Variants in ERBB4 observed in about 807,000 individuals in gnomAD.
The protein encoded by ERBB4 is receptor tyrosine-protein kinase erbB-4.
Under a neutral mutation model 158.0 loss-of-function variants are expected in ERBB4, and 42 were observed. The ratio of observed to expected loss-of-function variants is 0.27; its 90% CI spans 0.21 to 0.34. The LOEUF (loss-of-function observed/expected upper bound fraction) is 0.34. Among genes scored for constraint, ERBB4 ranks in the 10% least tolerant of loss-of-function variants. The pLI is 1.00. For synonymous variants in ERBB4, 583 were observed against 558.7 expected (o/e 1.04, Z -0.61); for missense variants, 1,333 against 1,624.1 (o/e 0.82, Z 3.08).
intron 1 of ERBB4, among the ~76,000 whole-genome samples, chr2:212,280,166 C>A (rs904746044): frequency 6.6e-6 from 1 of 151,508 alleles, no homozygotes; most frequent in Non-Finnish European, 1.5e-5. Context: ...AAAGGTTGTA[C>A]CTCATTACCT....
At chr2:211,860,496 T>C (rs532260064) in intron 3 of ERBB4, among the ~76,000 whole-genome samples, 38 of 152,262 alleles carry the variant, frequency 2.5e-4, no homozygotes, top group African/African-American at 8.7e-4. Flanking sequence ...ACCTCAATTA[T>C]CATTGTCCCT....
intron 1 of ERBB4, among the ~76,000 whole-genome samples, chr2:212,135,227 A>G (rs2080235312): frequency 6.6e-6 from 1 of 152,174 alleles, no homozygotes; most frequent in Admixed American, 6.5e-5. Flanking sequence ...TCTTAAGTGC[A>G]GCTACTATAT....
chr2:212,168,071 A>AG (rs1488005250), intron 1 of ERBB4, among the ~76,000 whole-genome samples: 1 of 46,556 alleles, frequency 2.1e-5, no homozygotes, highest in Non-Finnish European at 1.1e-4. Context: ...TTAAAATTAA[A>AG]AAAAAAAAAA....
chr2:212,242,628 G>T (rs1334056793), intron 1 of ERBB4, among the ~76,000 whole-genome samples: 2 of 151,988 alleles, frequency 1.3e-5, no homozygotes, highest in East Asian at 3.9e-4. Flanking sequence ...AAATAACACA[G>T]AGATAATCCT....
chr2:211,422,256 A>T, intron 23 of ERBB4, 152 bp from the exon 24 acceptor site: 1 of 668,562 alleles, frequency 1.5e-6, no homozygotes, highest in South Asian at 1.6e-5. Flanking sequence ...GAAACGACTC[A>T]ATTGGTAAGG....
At chr2:211,785,093 CTT>C (rs1553633108) in intron 4 of ERBB4, among the ~76,000 whole-genome samples, 3 of 132,812 alleles carry the variant, frequency 2.3e-5, no homozygotes, top group African/African-American at 5.5e-5. Context: ...GATGCACAGC[CTT>C]TTTTTTTTTT....
At chr2:211,431,853 C>T (rs1455736125) in intron 20 of ERBB4, among the ~76,000 whole-genome samples, 1 of 152,100 alleles carries the variant, frequency 6.6e-6, no homozygotes, top group Non-Finnish European at 1.5e-5. Flanking sequence ...ACATAGCTGG[C>T]TCTCCTCACA....
Position 211,420,381 on chromosome 2 carries a change from A to G in ERBB4, c.3135+60T>C, listed in dbSNP as rs368230599. The stretch of plus-strand genomic sequence containing the variant: ...TATTTTGAAATGTTAGTGCTTATGA[A>G]CTATTACATGATTTTATATCTCAGA... On this transcript the variant is annotated intron_variant, in intron 25 of 27. Transcript: ENST00000342788. The G allele has an allele frequency of 5.1e-5, 61 of 1,207,322 alleles. No individual in the cohort carries two copies. In the African/African-American group the frequency reaches 8.3e-4, roughly 16 times the overall value. The allele number at this position is 1,207,322 out of a possible 1,614,324, so 74.8% of individuals were successfully genotyped here.
chr2:212,424,946 C>A (rs912616834), intron 1 of ERBB4, among the ~76,000 whole-genome samples: 1 of 151,904 alleles, frequency 6.6e-6, no homozygotes, highest in African/African-American at 2.4e-5. Flanking sequence ...TTTAGTTATA[C>A]ATAAAGAAAA....
At chr2:212,203,997 AAGTT>A (rs2082662583) in intron 1 of ERBB4, among the ~76,000 whole-genome samples, 1 of 152,198 alleles carries the variant, frequency 6.6e-6, no homozygotes, top group East Asian at 1.9e-4. Flanking sequence ...GATTTGTCAA[AAGTT>A]AGTCAAACAT....
intron 3 of ERBB4, among the ~76,000 whole-genome samples, chr2:211,845,159 G>A (rs1034323865): frequency 1.6e-4 from 25 of 151,982 alleles, no homozygotes; most frequent in African/African-American, 5.3e-4. Flanking sequence ...CCTGCAGCAT[G>A]CCAGCTCCCG....
intron 2 of ERBB4, among the ~76,000 whole-genome samples, chr2:211,966,197 G>A (rs1244814497): frequency 6.6e-6 from 1 of 152,166 alleles, no homozygotes; most frequent in African/African-American, 2.4e-5. Context: ...TTGGGCAACA[G>A]AGTGAGACCC....
At chr2:212,421,788 T>G (rs986602909) in intron 1 of ERBB4, among the ~76,000 whole-genome samples, 3 of 152,180 alleles carry the variant, frequency 2.0e-5, no homozygotes, top group African/African-American at 7.2e-5. Flanking sequence ...CCTGATTGCA[T>G]AGCTCTGGAT....
intron 3 of ERBB4, among the ~76,000 whole-genome samples, chr2:211,842,606 T>A (rs1380356972): frequency 6.6e-6 from 1 of 152,026 alleles, no homozygotes; most frequent in Non-Finnish European, 1.5e-5. Context: ...GGAACTGCCA[T>A]TAAACCCTGC....
chr2:211,733,278 C>T (rs2074488144), intron 5 of ERBB4, among the ~76,000 whole-genome samples: 1 of 152,178 alleles, frequency 6.6e-6, no homozygotes, highest in African/African-American at 2.4e-5. Flanking sequence ...TCTTAATAGG[C>T]TATTAGCATC....
chr2:211,973,726 A>G (rs1056959806), intron 2 of ERBB4, among the ~76,000 whole-genome samples: 1 of 152,180 alleles, frequency 6.6e-6, no homozygotes, highest in African/African-American at 2.4e-5. Flanking sequence ...CAATCCCATG[A>G]CTGGGTATAT....
intron 3 of ERBB4, among the ~76,000 whole-genome samples, chr2:211,894,924 A>C (rs2079061561): frequency 6.6e-6 from 1 of 152,218 alleles, no homozygotes; most frequent in Non-Finnish European, 1.5e-5. Context: ...GATTTATGTT[A>C]AAATTAGTCA....
At chr2:211,385,358 T>G (rs1282209471) in intron 27 of ERBB4, among the ~76,000 whole-genome samples, 1 of 152,110 alleles carries the variant, frequency 6.6e-6, no homozygotes, top group Non-Finnish European at 1.5e-5. Flanking sequence ...TGAGATTAAA[T>G]GATGTGTGCA....
intron 21 of ERBB4, among the ~76,000 whole-genome samples, chr2:211,430,055 T>G (rs776325155): frequency 6.6e-5 from 10 of 152,212 alleles, no homozygotes; most frequent in Non-Finnish European, 1.3e-4. Context: ...TTTTTTGTGT[T>G]ATTTTGCCTT....
Sources: gnomAD v4.1 joint callset for allele counts (sites outside exome capture counted in the v4.1 genomes callset) on GRCh38, gnomAD v4.1.1 for gene constraint, MANE v1.5 for transcripts, NCBI Gene and HGNC (gene_info 2026-07-23, HGNC 2026-07-21) for gene names.